Variants in GAB1 observed in about 807,000 individuals in gnomAD.
GAB1 encodes GRB2 associated binding protein 1.
GAB1 carries 19 observed loss-of-function variants against 66.5 expected under a neutral mutation model. The ratio of observed to expected loss-of-function variants is 0.29; its 90% CI spans 0.20 to 0.42. The LOEUF (loss-of-function observed/expected upper bound fraction) is 0.42. Among genes scored for constraint, GAB1 ranks in the 10% least tolerant of loss-of-function variants. The pLI, the probability that GAB1 is intolerant of heterozygous loss-of-function variation, is 1.00. For missense variants in GAB1, 732 were observed against 858.5 expected (o/e 0.85, Z 1.84); for synonymous variants, 294 against 301.4 (o/e 0.98, Z 0.25).
chr4:143,371,935 T>TGAG lies in GAB1; in HGVS notation c.72+34677_72+34679dup, dbSNP rs140725961. ...AGAATCATTGACTTTCAAAAATACT[T>TGAG]GAGGTTACCCAGTTCAAGCATCCAA... On this transcript the variant is annotated intron_variant, in intron 1 of 9. Coordinates refer to ENST00000262994, the MANE Select transcript of GAB1 (RefSeq NM_002039.4). 5.0e-3 allele frequency among the ~76,000 whole-genome samples: 759 copies of TGAG among 152,328 alleles called. 9 individuals carry two copies. The highest frequency in any genetic ancestry group is 7.6e-3 in the Non-Finnish European group (515 of 68,032).
chr4:143,350,345 C>T (rs1324326944), intron 1 of GAB1, among the ~76,000 whole-genome samples: 2 of 152,076 alleles, frequency 1.3e-5, no homozygotes, highest in Non-Finnish European at 2.9e-5. Flanking sequence ...TGTCATGTGG[C>T]ACTGTTATCA....
At chr4:143,441,323 C>A (rs915697798) in intron 6 of GAB1, among the ~76,000 whole-genome samples, 2 of 152,272 alleles carry the variant, frequency 1.3e-5, no homozygotes, top group South Asian at 4.1e-4. Context: ...ATGAATGATA[C>A]AATATCTGGC....
rs578145222 is a variant in GAB1 at position 143,351,510 on chromosome 4, A to G, written c.72+14250A>G. Among the ~76,000 whole-genome samples, 343 of 152,102 alleles carry G rather than the reference A, an allele frequency of 2.3e-3. 3 individuals are homozygous for G. Among genetic ancestry groups the G allele is most frequent in the African/African-American group, 7.9e-3 (328 of 41,482 alleles). On this transcript the variant is annotated intron_variant, in intron 1 of 9. Coordinates refer to ENST00000262994, the MANE Select transcript of GAB1 (RefSeq NM_002039.4). ...CACCTAGGGTCTGGGGGGTTTTTATAGGCACAGGATGGGGGCGTGGCCGGC... is the reference window on the plus strand; with the variant it reads ...CACCTAGGGTCTGGGGGGTTTTTATGGGCACAGGATGGGGGCGTGGCCGGC...
intron 1 of GAB1, chr4:143,396,042 A>G: frequency 2.2e-6 from 1 of 454,020 alleles, no homozygotes; most frequent in Non-Finnish European, 4.4e-6. Context: ...GGTGGGGACA[A>G]CAGGAAGTGT....
chr4:143,397,493 T>TA, intron 1 of GAB1, among the ~76,000 whole-genome samples: 1 of 152,328 alleles, frequency 6.6e-6, no homozygotes, highest in East Asian at 1.9e-4. Context: ...TTGTTCCTGT[T>TA]ACTCATTTTA....
chr4:143,451,156 C>T lies in GAB1; in HGVS notation c.1586-8229C>T, dbSNP rs549221181. On this transcript the variant is annotated intron_variant, in intron 6 of 9. Transcript: ENST00000262994. ...GAAGGGGCTGTGGTTGAAGTAAACT[C>T]TTGGCACTATTAGGGAAGCTCCCCT... Among the ~76,000 whole-genome samples the T allele has an allele frequency of 6.6e-5, 10 of 152,234 alleles. No homozygotes were observed. In the East Asian group the frequency reaches 1.9e-3, roughly 29 times the overall value.
rs1028026735 is a variant in GAB1, at chr4:143,427,370, G to A, written c.368-6121G>A. Among the ~76,000 whole-genome samples, 4 of 152,158 alleles carry A rather than the reference G, an allele frequency of 2.6e-5. No individual in the cohort carries two copies. The South Asian group carries it at 6.2e-4, about 24-fold the overall frequency. On this transcript the variant is annotated intron_variant, in intron 2 of 9. Transcript: ENST00000262994. ...AAAAGGGGCCATCATTTGAGGCTCC[G>A]GTTGCATGACTGTTTGGAGTTTGAT...
At chr4:143,465,851 T>C in intron 8 of GAB1, 2 of 269,380 alleles carry the variant, frequency 7.4e-6, no homozygotes, top group Non-Finnish European at 1.4e-5. Flanking sequence ...CTATCATAGC[T>C]AAGTATCTCC....
chr4:143,388,712 G>T (rs1018582496), intron 1 of GAB1, among the ~76,000 whole-genome samples: 12 of 152,174 alleles, frequency 7.9e-5, no homozygotes, highest in African/African-American at 2.9e-4. Flanking sequence ...ACTGCGCCCG[G>T]CCTAGAGTTC....
chr4:143,347,749 T>C (rs975584048), intron 1 of GAB1, among the ~76,000 whole-genome samples: 3 of 152,184 alleles, frequency 2.0e-5, no homozygotes, highest in African/African-American at 7.2e-5. Flanking sequence ...AGCAGAGAGG[T>C]TAATTCAGGT....
intron 1 of GAB1, among the ~76,000 whole-genome samples, chr4:143,408,601 G>A (rs946692817): frequency 1.3e-5 from 2 of 152,042 alleles, no homozygotes; most frequent in African/African-American, 2.4e-5. Flanking sequence ...GTCACTTTTT[G>A]AATGAATTGC....
At chr4:143,407,935 A>T (rs556711087) in intron 1 of GAB1, among the ~76,000 whole-genome samples, 1 of 152,218 alleles carries the variant, frequency 6.6e-6, no homozygotes, top group Admixed American at 6.5e-5. Flanking sequence ...AAATATTTCA[A>T]TGTATTACCA....
intron 1 of GAB1, among the ~76,000 whole-genome samples, chr4:143,369,986 A>G (rs368179751): frequency 6.6e-6 from 1 of 152,232 alleles, no homozygotes; most frequent in Non-Finnish European, 1.5e-5. Flanking sequence ...GTTCTCCAAA[A>G]CCTAGTGTGC....
intron 1 of GAB1, among the ~76,000 whole-genome samples, chr4:143,398,320 A>T (rs1731563510): frequency 1.3e-5 from 2 of 152,200 alleles, no homozygotes; most frequent in Non-Finnish European, 2.9e-5. Flanking sequence ...TCATTTCAGA[A>T]TATTTTTTGT....
In GAB1 at chr4:143,378,064, G is replaced by A. The variant is rs376282208; in HGVS notation, c.73-37413G>A. On this transcript the variant is annotated intron_variant, in intron 1 of 9. Transcript: ENST00000262994. ...ACTCACACGCTTTGCCGTACAAGGGGCAATGATGTATAGCGTATAAAAACA... is the reference window on the plus strand; with the variant it reads ...ACTCACACGCTTTGCCGTACAAGGGACAATGATGTATAGCGTATAAAAACA... Among the ~76,000 whole-genome samples, 15 of 152,196 alleles carry A rather than the reference G, an allele frequency of 9.9e-5. No homozygotes were observed. The East Asian group carries it at 1.5e-3, about 16-fold the overall frequency.
chr4:143,352,934 G>T (rs954209389), intron 1 of GAB1, among the ~76,000 whole-genome samples: 13 of 152,192 alleles, frequency 8.5e-5, no homozygotes, highest in African/African-American at 9.6e-5. Flanking sequence ...ACGACATATT[G>T]AGAGGATTAC....
At chr4:143,388,782 G>GT (rs1189239235) in intron 1 of GAB1, among the ~76,000 whole-genome samples, 1 of 152,072 alleles carries the variant, frequency 6.6e-6, no homozygotes, top group Non-Finnish European at 1.5e-5. Context: ...TTTTTAGGTA[G>GT]TTTTTAGCAG....
intron 6 of GAB1, among the ~76,000 whole-genome samples, chr4:143,444,168 T>C (rs1378573701): frequency 2.6e-5 from 4 of 152,226 alleles, no homozygotes; most frequent in East Asian, 3.8e-4. Flanking sequence ...TTATCTGTTA[T>C]AGCTTCTCTT....
chr4:143,408,859 C>T lies in GAB1; in HGVS notation c.73-6618C>T, dbSNP rs544257851. ...TAAGAGATTTCAAAATAAAAAATTC[C>T]GCTCTACTTTTTTCCCCACACTTTC... On this transcript the variant is annotated intron_variant, in intron 1 of 9. Coordinates refer to ENST00000262994, the MANE Select transcript of GAB1 (RefSeq NM_002039.4). Among the ~76,000 whole-genome samples, 11 of 152,130 alleles carry T rather than the reference C, an allele frequency of 7.2e-5. No individual in the cohort carries two copies. The South Asian group carries it at 2.3e-3, about 32-fold the overall frequency.
Sources: gnomAD v4.1 joint callset for allele counts (sites outside exome capture counted in the v4.1 genomes callset) on GRCh38, gnomAD v4.1.1 for gene constraint, MANE v1.5 for transcripts, NCBI Gene and HGNC (gene_info 2026-07-23, HGNC 2026-07-21) for gene names.